Variants in SPAG16 observed in about 807,000 individuals in gnomAD.
SPAG16 encodes the protein sperm associated antigen 16, also known as sperm-associated antigen 16 protein.
In SPAG16, 86 loss-of-function variants were observed where a neutral mutation model predicts 80.4. The observed-to-expected ratio is 1.07, with a 90% CI of 0.90 to 1.28. The LOEUF is 1.28. SPAG16 is among the 50% of genes most tolerant of loss of function. The pLI, the probability that SPAG16 is intolerant of heterozygous loss-of-function variation, is 0.00. For missense variants in SPAG16, 870 were observed against 765.3 expected (o/e 1.14, Z -1.61); for synonymous variants, 294 against 265.9 (o/e 1.11, Z -1.03).
intron 9 of SPAG16, among the ~76,000 whole-genome samples, chr2:213,434,401 T>C (rs906065445): frequency 1.3e-5 from 2 of 152,198 alleles, no homozygotes; most frequent in Non-Finnish European, 2.9e-5. Flanking sequence ...TTCTGGACAT[T>C]GATTTACGCA....
At chr2:214,238,961 C>G (rs1689270267) in intron 15 of SPAG16, 1 of 152,140 alleles carries the variant, frequency 6.6e-6, no homozygotes, top group African/African-American at 2.4e-5. Flanking sequence ...TTTGAGGATA[C>G]TAGAGTTATA....
chr2:213,967,593 G>A (rs1488960085), intron 12 of SPAG16, among the ~76,000 whole-genome samples: 1 of 152,110 alleles, frequency 6.6e-6, no homozygotes, highest in Non-Finnish European at 1.5e-5. Flanking sequence ...GTATATAGAT[G>A]TAAATATTTA....
intron 9 of SPAG16, among the ~76,000 whole-genome samples, chr2:213,404,005 G>A (rs1353787579): frequency 2.0e-5 from 3 of 152,136 alleles, no homozygotes; most frequent in Admixed American, 6.5e-5. Flanking sequence ...TACAAGGGAT[G>A]TGAAGGACCT....
intron 1 of SPAG16, 186 bp downstream of exon 1, chr2:213,284,805 C>T (rs2061994388): frequency 3.6e-6 from 3 of 830,272 alleles, no homozygotes; most frequent in Non-Finnish European, 5.5e-6. Context: ...AATTTCTCGC[C>T]CTTAGTAGCC....
intron 12 of SPAG16, among the ~76,000 whole-genome samples, chr2:213,954,632 A>G (rs896171956): frequency 6.6e-6 from 1 of 152,078 alleles, no homozygotes; most frequent in East Asian, 1.9e-4. Flanking sequence ...CCCTGCATAC[A>G]TTAGGTTGGA....
chr2:214,154,759 G>A (rs1038631056), intron 15 of SPAG16, among the ~76,000 whole-genome samples: 2 of 152,046 alleles, frequency 1.3e-5, no homozygotes, highest in Middle Eastern at 3.2e-3. Context: ...ATATTTCTGA[G>A]CCTCAGATTT....
intron 10 of SPAG16, among the ~76,000 whole-genome samples, chr2:213,726,879 T>C (rs2066791380): frequency 6.6e-6 from 1 of 152,198 alleles, no homozygotes; most frequent in South Asian, 2.1e-4. Context: ...ATTTTAGGCT[T>C]AAGGATTCTC....
intron 10 of SPAG16, among the ~76,000 whole-genome samples, chr2:213,576,178 G>A (rs190252511): frequency 5.9e-5 from 9 of 152,230 alleles, no homozygotes; most frequent in East Asian, 3.9e-4. Context: ...ATTGAATAGC[G>A]AGTCCATTCC....
chr2:214,020,192 C>T (rs1044997842), intron 13 of SPAG16, among the ~76,000 whole-genome samples: 2 of 152,150 alleles, frequency 1.3e-5, no homozygotes, highest in African/African-American at 4.8e-5. Context: ...CAGGCTGCCT[C>T]TCCAACCTCG....
intron 9 of SPAG16, among the ~76,000 whole-genome samples, chr2:213,413,515 G>T (rs959886809): frequency 1.3e-5 from 2 of 152,080 alleles, no homozygotes; most frequent in African/African-American, 2.4e-5. Context: ...ATTTAAAACT[G>T]TCATATGAAA....
At chr2:213,506,287 T>C (rs1559201384) in intron 10 of SPAG16, among the ~76,000 whole-genome samples, 1 of 152,148 alleles carries the variant, frequency 6.6e-6, no homozygotes, top group Admixed American at 6.5e-5. Flanking sequence ...TATTGACTTG[T>C]AGTGAATTTA....
intron 10 of SPAG16, among the ~76,000 whole-genome samples, chr2:213,760,390 T>G (rs2068590659): frequency 6.6e-6 from 1 of 152,142 alleles, no homozygotes; most frequent in Non-Finnish European, 1.5e-5. Context: ...GTATAAACAT[T>G]TATGAACCTA....
intron 10 of SPAG16, among the ~76,000 whole-genome samples, chr2:213,833,356 T>G (rs2125723567): frequency 7.5e-6 from 1 of 133,386 alleles, no homozygotes; most frequent in African/African-American, 2.9e-5. Context: ...ATAACCATAT[T>G]TTATACCTAC....
Position 214,009,479 on chromosome 2 carries a change from T to C in SPAG16, c.1401-4472T>C, listed in dbSNP as rs116622235. ...TAGATAATGTGTGTAATTTTACAGT[T>C]GCTTATTATAAGAGAAGTACAGAAA... On this transcript the variant is annotated intron_variant, in intron 12 of 15. Coordinates refer to ENST00000331683, the MANE Select transcript of SPAG16 (RefSeq NM_024532.5). Among the ~76,000 whole-genome samples the C allele has an allele frequency of 2.6e-3, 399 of 152,322 alleles. 3 individuals are homozygous for C. Among genetic ancestry groups the C allele is most frequent in the African/African-American group, 9.1e-3 (380 of 41,558 alleles).
intron 10 of SPAG16, among the ~76,000 whole-genome samples, chr2:213,572,948 C>T (rs1015499939): frequency 6.6e-6 from 1 of 152,196 alleles, no homozygotes; most frequent in South Asian, 2.1e-4. Context: ...TGGTTCGCCG[C>T]TTTTTAAGCC....
intron 10 of SPAG16, among the ~76,000 whole-genome samples, chr2:213,525,008 T>A (rs1435547461): frequency 6.6e-6 from 1 of 152,138 alleles, no homozygotes; most frequent in Non-Finnish European, 1.5e-5. Flanking sequence ...TGAATTGCAG[T>A]TCCCATAATC....
intron 15 of SPAG16, among the ~76,000 whole-genome samples, chr2:214,330,028 G>T (rs1696794392): frequency 1.3e-5 from 2 of 151,788 alleles, no homozygotes; most frequent in Non-Finnish European, 2.9e-5. Flanking sequence ...GCACTTTGGG[G>T]GGCCATGGCA....
At chr2:213,704,809 T>G (rs1559392938) in intron 10 of SPAG16, among the ~76,000 whole-genome samples, 1 of 152,198 alleles carries the variant, frequency 6.6e-6, no homozygotes, top group East Asian at 1.9e-4. Flanking sequence ...GACTGACATT[T>G]AGATTCACAG....
At chr2:213,383,247 A>G (rs1038332305) in intron 9 of SPAG16, among the ~76,000 whole-genome samples, 4 of 152,192 alleles carry the variant, frequency 2.6e-5, no homozygotes, top group Admixed American at 6.6e-5. Flanking sequence ...TTATGTAAAT[A>G]CAAAGATATT....
Sources: allele counts gnomAD v4.1 joint callset (sites outside exome capture counted in the v4.1 genomes callset), GRCh38; gene constraint gnomAD v4.1.1; transcripts MANE v1.5; gene names NCBI Gene and HGNC (gene_info 2026-07-23, HGNC 2026-07-21).